IPP: variants seen among roughly 807,000 people sequenced by gnomAD.
IPP encodes the protein intracisternal A particle-promoted polypeptide, also known as actin-binding protein IPP.
In IPP, 41 loss-of-function variants were observed where a neutral mutation model predicts 64.1. The ratio of observed to expected loss-of-function variants is 0.64; its 90% confidence interval spans 0.50 to 0.83. IPP has a LOEUF of 0.83. Ranked by LOEUF, IPP falls within the 40% of genes least tolerant of loss-of-function variation. The pLI is 0.00. For missense variants in IPP, 649 were observed against 703.0 expected (o/e 0.92, Z 0.87); for synonymous variants, 214 against 235.2 (o/e 0.91, Z 0.83).
At position 45,714,605 on chromosome 1, in the gene IPP, T is replaced by A. The variant is rs1219314851; in HGVS notation, c.1310-139A>T. ...TTACATTATTATTTAAGAGAGAAAA[T>A]CAACTTTGTCAACTTTATCACCTCA... On this transcript the variant is annotated intron_variant, in intron 7 of 8. Transcript: ENST00000396478. 1.1e-5 allele frequency: 7 copies of A among 622,494 alleles called. No homozygotes were observed. In the Admixed American group the frequency reaches 1.2e-4, roughly 10 times the overall value. The allele number at this position is 622,494 out of a possible 1,614,324, so 38.6% of individuals were successfully genotyped here.
At chr1:45,715,194 CA>C (rs199978194) in intron 7 of IPP, among the ~76,000 whole-genome samples, 68,353 of 102,964 alleles carry the variant, frequency 0.66, 20,269 homozygotes, top group Middle Eastern at 0.71. Flanking sequence ...GACCTTCTCT[CA>C]AAAAAAAAAA....
Position 45,699,985 on chromosome 1 carries a change from C to T in IPP, c.1736G>A (p.Gly579Glu), listed in dbSNP as rs1330382026. The part of the protein sequence containing the change: ...IGNMITSRCE[G>E]GVAVL ...TATATTTCATAGCACAGCAACGCCC[C>T]CTTCACAACGACTGGTGATCATGTT... Residue 579 changes from glycine to glutamate, a missense_variant, in exon 9 of 9, where the codon GGG (glycine) becomes GAG (glutamate). By Grantham distance (98) the Gly-to-Glu change is moderately conservative. Coordinates refer to ENST00000396478, the MANE Select transcript of IPP (RefSeq NM_005897.3). 2 of 1,614,154 alleles carry T rather than the reference C, an allele frequency of 1.2e-6. No individual in the cohort carries two copies. Among genetic ancestry groups the T allele is most frequent in the South Asian group, 1.1e-5 (1 of 91,078 alleles).
chr1:45,725,210 T>G (rs1255289195), intron 5 of IPP, among the ~76,000 whole-genome samples: 6 of 74,472 alleles, frequency 8.1e-5, no homozygotes, highest in Admixed American at 1.4e-4. Flanking sequence ...GGGAGGGAGG[T>G]GGGGGGGTCA....
At position 45,714,294 on chromosome 1, in the gene IPP, A is replaced by G. The variant is rs1394617901; in HGVS notation, c.1482T>C (p.Asn494=). The change falls in exon 8 of 9, where the codon AAT becomes AAC. Residue 494 remains asparagine, a synonymous_variant. Coordinates refer to ENST00000396478, the MANE Select transcript of IPP (RefSeq NM_005897.3). ...NDCIYSVGGW[N]ETQDALHTVE... is the part of the protein sequence containing the mutation. Reference sequence around the variant, plus strand: ...CAGTATGAAGAGCATCTTGGGTCTCATTCCATCCTCCAACAGAATAGATGC... The same window carrying G: ...CAGTATGAAGAGCATCTTGGGTCTCGTTCCATCCTCCAACAGAATAGATGC... 3.1e-6 allele frequency: 5 copies of G among 1,613,930 alleles called. No homozygotes were observed. Among genetic ancestry groups the G allele is most frequent in the Non-Finnish European group, 3.4e-6 (4 of 1,179,888 alleles).
intron 5 of IPP, among the ~76,000 whole-genome samples, chr1:45,723,002 G>A (rs944844530): frequency 1.3e-5 from 2 of 152,192 alleles, no homozygotes; most frequent in African/African-American, 4.8e-5. Context: ...TGGGTACAGT[G>A]TTTCTTTCTG....
chr1:45,731,507 A>G (rs1382293753), intron 3 of IPP, among the ~76,000 whole-genome samples: 4 of 152,216 alleles, frequency 2.6e-5, no homozygotes, highest in African/African-American at 9.6e-5. Context: ...TAGAGAAAAC[A>G]AAGTAGTTGT....
chr1:45,708,335 G>T (rs1462429294), intron 8 of IPP, among the ~76,000 whole-genome samples: 1 of 150,612 alleles, frequency 6.6e-6, no homozygotes. Context: ...AAGTGCTGGA[G>T]TAACAGGCGT....
intron 3 of IPP, among the ~76,000 whole-genome samples, chr1:45,735,194 C>A (rs1645961094): frequency 6.6e-6 from 1 of 152,066 alleles, no homozygotes; most frequent in South Asian, 2.1e-4. Context: ...AGTGATTCTC[C>A]TGCCTCAGCC....
chr1:45,719,915 C>T (rs184942068), intron 5 of IPP, among the ~76,000 whole-genome samples: 5 of 151,662 alleles, frequency 3.3e-5, no homozygotes, highest in South Asian at 2.1e-4. Context: ...TTAGTAGAGA[C>T]GGGGTTTCAC....
chr1:45,717,686 T>C (rs1332360383), intron 6 of IPP, among the ~76,000 whole-genome samples: 1 of 151,994 alleles, frequency 6.6e-6, no homozygotes, highest in Non-Finnish European at 1.5e-5. Context: ...TAATTTTGTT[T>C]GTATTTTTAG....
At chr1:45,719,162 TAAAC>T in intron 6 of IPP, 37 bp downstream of exon 6, 1 of 1,597,914 alleles carries the variant, frequency 6.3e-7, no homozygotes, top group Non-Finnish European at 8.6e-7. Context: ...TAAAAATACA[TAAAC>T]AATATTAGCT....
At chr1:45,729,479 CTGTA>C in intron 4 of IPP, 131 bp downstream of exon 4, 1 of 665,626 alleles carries the variant, frequency 1.5e-6, no homozygotes, top group Non-Finnish European at 2.6e-6. Flanking sequence ...AATCTGTAGT[CTGTA>C]TGTGAAATTA....
Position 45,732,291 on chromosome 1 carries a change from CG to C in IPP, c.725-2523del, listed in dbSNP as rs575100720. 6.3e-5 allele frequency among the ~76,000 whole-genome samples: 8 copies of C among 127,590 alleles called. No homozygotes were observed. The East Asian group carries it at 1.7e-3, about 27-fold the overall frequency. 83.7% of individuals were successfully genotyped at this position (127,590 alleles called of 152,430 possible). On this transcript the variant is annotated intron_variant, in intron 3 of 8. Coordinates refer to ENST00000396478, the MANE Select transcript of IPP (RefSeq NM_005897.3). Reference sequence around the variant, plus strand: ...CAGGGAGAACCGCTTGAACCCGGGACGGGGAGGTTGCAGTGAGCCGAGATCA... The same window carrying C: ...CAGGGAGAACCGCTTGAACCCGGGACGGGAGGTTGCAGTGAGCCGAGATCA...
intron 8 of IPP, among the ~76,000 whole-genome samples, chr1:45,704,235 C>A (rs1041535042): frequency 4.0e-5 from 6 of 151,472 alleles, no homozygotes; most frequent in African/African-American, 1.2e-4. Flanking sequence ...ATAATGGAAG[C>A]AAAGTCTTTT....
intron 8 of IPP, among the ~76,000 whole-genome samples, chr1:45,704,971 A>G (rs775386114): frequency 1.3e-4 from 20 of 152,242 alleles, no homozygotes; most frequent in Non-Finnish European, 2.8e-4. Flanking sequence ...TAATTTGCAC[A>G]TAATTAAAAG....
Position 45,712,878 on chromosome 1 carries a change from A to AAT in IPP, c.1530+1366_1530+1367dup, listed in dbSNP as rs1553189323. ...CAAAAAAAAAAAGAAAAAAAAAAAA[A>AAT]ATATATATATATATACACACCATCC... On this transcript the variant is annotated intron_variant, in intron 8 of 8. Transcript: ENST00000396478. Among the ~76,000 whole-genome samples, 330 of 138,532 alleles carry AAT rather than the reference A, an allele frequency of 2.4e-3. 3 individuals are homozygous for AAT. The highest frequency in any genetic ancestry group is 5.6e-3 in the African/African-American group (207 of 36,808). The allele number at this position is 138,532 out of a possible 152,430, so 90.9% of individuals were successfully genotyped here.
chr1:45,714,340 C>G lies in IPP; in HGVS notation c.1436G>C (p.Gly479Ala). ...PPMGTRRAYL[G>A]VAALNDCIYS... ...GATGCAGTCATTGAGTGCAGCCACA[C>G]CAAGATATGCTCTCCTGGTTCCCAT... The change falls in exon 8 of 9, where the codon GGT (glycine) becomes GCT (alanine). Residue 479 changes from glycine to alanine, a missense_variant. Gly to Ala is a moderately conservative substitution (Grantham distance 60). Coordinates refer to ENST00000396478, the MANE Select transcript of IPP (RefSeq NM_005897.3). 6.2e-7 allele frequency: 1 copy of G among 1,614,108 alleles called. No individual in the cohort carries two copies. Among genetic ancestry groups the G allele is most frequent in the Non-Finnish European group, 8.5e-7 (1 of 1,179,954 alleles).
intron 8 of IPP, among the ~76,000 whole-genome samples, chr1:45,707,935 C>A (rs184193726): frequency 9.6e-4 from 146 of 152,044 alleles, no homozygotes; most frequent in African/African-American, 3.3e-3. Context: ...AGGAGAAAAT[C>A]TTAAAAGCTG....
chr1:45,695,365 A>G (rs550921038), downstream of IPP, among the ~76,000 whole-genome samples: 11 of 152,152 alleles, frequency 7.2e-5, no homozygotes, highest in Non-Finnish European at 7.4e-5. Context: ...GGGTCTCCCT[A>G]TGTTGCCCAG....
Sources: allele counts gnomAD v4.1 joint callset (sites outside exome capture counted in the v4.1 genomes callset), GRCh38; gene constraint gnomAD v4.1.1; transcripts MANE v1.5; gene names NCBI Gene and HGNC (gene_info 2026-07-23, HGNC 2026-07-21).